NDUFAF2: variants seen among roughly 807,000 people sequenced by gnomAD.
NDUFAF2 encodes NADH dehydrogenase [ubiquinone] 1 alpha subcomplex assembly factor 2.
A neutral mutation model predicts 22.8 loss-of-function variants in NDUFAF2; 13 were observed. The observed-to-expected ratio is 0.57, with a 90% CI of 0.37 to 0.91. The LOEUF (loss-of-function observed/expected upper bound fraction) is 0.91. Ranked by LOEUF, NDUFAF2 falls within the 40% of genes least tolerant of loss-of-function variation. The probability of loss-of-function intolerance (pLI) is 0.01; values close to 1 mark genes in which losing one functional copy is unlikely to be tolerated. For missense variants in NDUFAF2, 162 were observed against 195.2 expected (o/e 0.83, Z 1.01); for synonymous variants, 53 against 64.2 (o/e 0.83, Z 0.84).
chr5:61,124,138 T>A (rs1579842741), intron 3 of NDUFAF2, among the ~76,000 whole-genome samples: 1 of 152,086 alleles, frequency 6.6e-6, no homozygotes, highest in African/African-American at 2.4e-5. Flanking sequence ...AATAGTTTCT[T>A]TTTCTCAGTA....
Position 61,020,539 on chromosome 5 carries a change from GT to G in NDUFAF2, c.128-52582del, listed in dbSNP as rs528988761. ...CCATGAATTATTTTGAACTGTGTGG[GT>G]TTTGTTATGTGTGTGTGTGTGTGTG... On this transcript the variant is annotated intron_variant, in intron 1 of 3. Coordinates refer to ENST00000296597, the MANE Select transcript of NDUFAF2 (RefSeq NM_174889.5). 6.8e-4 allele frequency among the ~76,000 whole-genome samples: 89 copies of G among 131,690 alleles called. 4 individuals carry two copies. The South Asian group carries it at 0.021, about 32-fold the overall frequency. 86.4% of individuals were successfully genotyped at this position (131,690 alleles called of 152,430 possible). A position where few individuals can be genotyped will look rare whatever the true frequency, so the allele number is the denominator to read the frequency against.
intron 1 of NDUFAF2, among the ~76,000 whole-genome samples, chr5:61,057,624 C>T (rs907717272): frequency 6.6e-6 from 1 of 152,086 alleles, no homozygotes; most frequent in Non-Finnish European, 1.5e-5. Context: ...GTGGGTGGTA[C>T]TCTGAACCCC....
chr5:60,984,781 C>T (rs889817663), intron 1 of NDUFAF2, among the ~76,000 whole-genome samples: 2 of 152,152 alleles, frequency 1.3e-5, no homozygotes, highest in Admixed American at 1.3e-4. Context: ...TGATGTGCTG[C>T]TGGATTCGGT....
chr5:61,099,123 T>C (rs1752677192), intron 3 of NDUFAF2, 91 bp downstream of exon 3: 1 of 819,320 alleles, frequency 1.2e-6, no homozygotes, highest in African/African-American at 1.7e-5. Context: ...TTTCTCAAAG[T>C]GTTGATTTTA....
chr5:61,029,670 G>A (rs1346784018), intron 1 of NDUFAF2, among the ~76,000 whole-genome samples: 2 of 152,076 alleles, frequency 1.3e-5, no homozygotes, highest in African/African-American at 2.4e-5. Flanking sequence ...AGAATGCGAC[G>A]TGCACCAGTG....
chr5:61,068,015 A>G (rs1752251967), intron 1 of NDUFAF2, among the ~76,000 whole-genome samples: 1 of 152,162 alleles, frequency 6.6e-6, no homozygotes, highest in Non-Finnish European at 1.5e-5. Flanking sequence ...AATATATACA[A>G]TGAAATTTAT....
rs151332790 is a variant in NDUFAF2, at chr5:61,019,965, T to C, written c.128-53160T>C. On this transcript the variant is annotated intron_variant, in intron 1 of 3. Transcript: ENST00000296597. ...GGTCTTGGTGTTTTTTACAGAAAGA[T>C]TTTTGACTACAAATTCAATGTCTTT... 1.6e-4 allele frequency among the ~76,000 whole-genome samples: 24 copies of C among 152,292 alleles called. No homozygotes were observed. In the East Asian group the frequency reaches 4.6e-3, roughly 29 times the overall value.
In NDUFAF2 at chr5:60,967,722, TG is replaced by T. The variant is rs1750776405; in HGVS notation, c.127+22341del. On this transcript the variant is annotated intron_variant, in intron 1 of 3. Transcript: ENST00000296597. Reference sequence around the variant, plus strand: ...TGATCATGGTGAATGATCTTTTTAATGTACCCTTGAATTAGGTTTGCCAATA... The same window carrying T: ...TGATCATGGTGAATGATCTTTTTAATTACCCTTGAATTAGGTTTGCCAATA... Among the ~76,000 whole-genome samples, 9 of 151,944 alleles carry T rather than the reference TG, an allele frequency of 5.9e-5. No individual in the cohort carries two copies. The South Asian group carries it at 1.9e-3, about 32-fold the overall frequency.
At chr5:61,098,175 A>G (rs1054087593) in intron 2 of NDUFAF2, among the ~76,000 whole-genome samples, 2 of 152,216 alleles carry the variant, frequency 1.3e-5, no homozygotes, top group Non-Finnish European at 2.9e-5. Context: ...AATTTTCACA[A>G]CAACCCTGAA....
At chr5:61,106,685 C>A (rs778415083) in intron 3 of NDUFAF2, among the ~76,000 whole-genome samples, 1 of 150,892 alleles carries the variant, frequency 6.6e-6, no homozygotes, top group South Asian at 2.1e-4. Flanking sequence ...TTCCCACCCC[C>A]CCTAACACCC....
intron 3 of NDUFAF2, chr5:61,114,900 C>G (rs1023272452): frequency 2.0e-5 from 3 of 152,192 alleles, no homozygotes; most frequent in Non-Finnish European, 2.9e-5. Flanking sequence ...CAAACAGTCT[C>G]TCCCTCCATG....
At chr5:61,146,411 G>C (rs1026931299) in intron 3 of NDUFAF2, 1 of 152,088 alleles carries the variant, frequency 6.6e-6, no homozygotes. Context: ...TTTCCATCTT[G>C]TATCATTTTC....
At chr5:60,947,158 T>C (rs1384680529) in intron 1 of NDUFAF2, among the ~76,000 whole-genome samples, 1 of 152,184 alleles carries the variant, frequency 6.6e-6, no homozygotes, top group African/African-American at 2.4e-5. Flanking sequence ...TACTAAGTTG[T>C]GTGATCAATG....
intron 1 of NDUFAF2, among the ~76,000 whole-genome samples, chr5:61,041,623 A>G (rs2111682320): frequency 6.6e-6 from 1 of 152,360 alleles, no homozygotes; most frequent in South Asian, 2.1e-4. Flanking sequence ...TGCAAGTAAT[A>G]AATTATGAAT....
intron 1 of NDUFAF2, among the ~76,000 whole-genome samples, chr5:61,056,068 C>T (rs375114493): frequency 3.3e-5 from 5 of 152,234 alleles, no homozygotes; most frequent in African/African-American, 1.2e-4. Context: ...ACATGATCTT[C>T]AGAACCTGGA....
intron 1 of NDUFAF2, among the ~76,000 whole-genome samples, chr5:61,065,579 A>G (rs1032240262): frequency 2.0e-5 from 3 of 152,136 alleles, no homozygotes; most frequent in African/African-American, 7.2e-5. Flanking sequence ...CATCAACAGA[A>G]TGAAAGATAA....
intron 1 of NDUFAF2, among the ~76,000 whole-genome samples, chr5:61,010,360 G>A (rs1751427643): frequency 6.6e-6 from 1 of 151,992 alleles, no homozygotes; most frequent in Non-Finnish European, 1.5e-5. Context: ...TCTTCCCTTT[G>A]CTCTCTATCC....
chr5:61,140,331 A>T (rs1341784376), intron 3 of NDUFAF2, among the ~76,000 whole-genome samples: 1 of 152,158 alleles, frequency 6.6e-6, no homozygotes, highest in Admixed American at 6.5e-5. Flanking sequence ...TTCCTGCCCT[A>T]ATGATTTTCT....
At chr5:61,022,673 C>G (rs1461085441) in intron 1 of NDUFAF2, among the ~76,000 whole-genome samples, 2 of 152,182 alleles carry the variant, frequency 1.3e-5, no homozygotes, top group African/African-American at 4.8e-5. Context: ...GAGACGGAGT[C>G]TCGCTCTGTG....
Sources: allele counts gnomAD v4.1 joint callset (sites outside exome capture counted in the v4.1 genomes callset), GRCh38; gene constraint gnomAD v4.1.1; transcripts MANE v1.5; gene names NCBI Gene and HGNC (gene_info 2026-07-23, HGNC 2026-07-21).